Variants in RGS11 observed in about 807,000 individuals in gnomAD.
RGS11 encodes regulator of G-protein signaling 11.
A neutral mutation model predicts 71.1 loss-of-function variants in RGS11; 86 were observed. The observed-to-expected ratio is 1.21, with a 90% confidence interval of 1.02 to 1.45. The LOEUF (loss-of-function observed/expected upper bound fraction) is 1.45, where lower values mean the gene tolerates loss of function less well. Ranked by LOEUF, RGS11 falls within the 40% of genes most tolerant of loss-of-function variation. The pLI is 0.00. For synonymous variants in RGS11, 298 were observed against 254.2 expected (o/e 1.17, Z -1.64); for missense variants, 734 against 635.1 (o/e 1.16, Z -1.67).
rs1414107965 is a variant in RGS11, at chr16:271,190, G to GC, written c.863+11dup. The GC allele has an allele frequency of 3.1e-6, 5 of 1,609,902 alleles. No individual in the cohort carries two copies. The highest frequency in any genetic ancestry group is 4.2e-6 in the Non-Finnish European group (5 of 1,177,718). On this transcript the variant is annotated intron_variant, in intron 12 of 16. Coordinates refer to ENST00000397770, the MANE Select transcript of RGS11 (RefSeq NM_183337.3). Reference sequence around the variant, plus strand: ...AGCACACCCGCAGTCCCGCTGCCCCGCCTGGGCTCACGTGGGGGCATTCAT... The same window carrying GC: ...AGCACACCCGCAGTCCCGCTGCCCCGCCCTGGGCTCACGTGGGGGCATTCAT...
chr16:275,479 C>T lies in RGS11; in HGVS notation c.83G>A (p.Ser28Asn), dbSNP rs747092700. 22 of 1,582,224 alleles carry T rather than the reference C, an allele frequency of 1.4e-5. No individual in the cohort carries two copies. The Admixed American group carries it at 3.8e-4, about 28-fold the overall frequency. The change falls in exon 2 of 17, where the codon AGC becomes AAC. Residue 28 changes from serine (S) to asparagine (N), a missense_variant. Coordinates refer to ENST00000397770, the MANE Select transcript of RGS11 (RefSeq NM_183337.3). ...CACGCCCTGGTCGGGGTCCTGCATG[C>T]TCACGACCACCCGCTCCATCTGGGC... ...HLRKMERVVV[S>N]MQDPDQGVKM...
At chr16:272,842 A>G in intron 9 of RGS11, 21 bp downstream of exon 9, 2 of 1,541,096 alleles carry the variant, frequency 1.3e-6, no homozygotes, top group Non-Finnish European at 1.7e-6. Context: ...GAGGGCGGCC[A>G]GCACGCACGC....
At position 269,077 on chromosome 16, in the gene RGS11, C is replaced by A; in HGVS notation, c.*192G>T. On this transcript the variant is annotated 3_prime_UTR_variant, in exon 17 of 17. Transcript: ENST00000397770. The stretch of plus-strand genomic sequence containing the variant: ...CTGGGAATCCACACCTGGACCCATT[C>A]CTTCTGGGCAGGGAGGGCTTGCTGG... The A allele has an allele frequency of 1.0e-6, 1 of 982,120 alleles. No homozygotes were observed. The allele number at this position is 982,120 out of a possible 1,614,324, so 60.8% of individuals were successfully genotyped here. A position where few individuals can be genotyped will look rare whatever the true frequency, so the allele number is the denominator to read the frequency against.
Position 269,523 on chromosome 16 carries a change from G to T in RGS11, c.1269C>A (p.Ile423=). ...CTCACCGTCTCTTCATCTCCAGCGG[G>T]ATCCCAGCCTCTGCCAGGAGGGCCT... ...MYKALLAEAG[I]PLEMKRRVFP... The change falls in exon 16 of 17, where the codon ATC becomes ATA. Residue 423 remains isoleucine (I), a synonymous_variant. Transcript: ENST00000397770. 2 of 1,613,266 alleles carry T rather than the reference G, an allele frequency of 1.2e-6. No homozygotes were observed. The highest frequency in any genetic ancestry group is 1.7e-6 in the Non-Finnish European group (2 of 1,179,918).
chr16:271,572 A>G lies in RGS11; in HGVS notation c.658-3T>C. On this transcript the variant is annotated splice_polypyrimidine_tract_variant and splice_region_variant and intron_variant, in intron 9 of 16. Coordinates refer to ENST00000397770, the MANE Select transcript of RGS11 (RefSeq NM_183337.3). Reference sequence around the variant, plus strand: ...TTATGGAAATCTGCACTCTTGGTCTAGAAGGGGATAGGTGGGCTGCAGTTA... The same window carrying G: ...TTATGGAAATCTGCACTCTTGGTCTGGAAGGGGATAGGTGGGCTGCAGTTA... The G allele has an allele frequency of 6.2e-7, 1 of 1,613,966 alleles. No homozygotes were observed. Among genetic ancestry groups the G allele is most frequent in the Non-Finnish European group, 8.5e-7 (1 of 1,179,998 alleles).
intron 6 of RGS11, 75 bp downstream of exon 6, chr16:273,968 C>G (rs748798675): frequency 5.4e-6 from 8 of 1,484,120 alleles, no homozygotes; most frequent in Non-Finnish European, 7.4e-6. Context: ...AACCGTGAAG[C>G]CCCGGGGGGC....
chr16:272,072 G>A lies in RGS11; in HGVS notation c.658-503C>T, dbSNP rs1299320857. ...GCTGGTCTCGAACTCCTGAACTCAG[G>A]TGATCTGCCCGCCTCAGCCTCCCAA... is the stretch of plus-strand genomic sequence containing the variant. On this transcript the variant is annotated intron_variant, in intron 9 of 16. Coordinates refer to ENST00000397770, the MANE Select transcript of RGS11 (RefSeq NM_183337.3). 5.2e-6 allele frequency: 4 copies of A among 762,946 alleles called. No homozygotes were observed. In the African/African-American group the frequency reaches 5.6e-5, roughly 11 times the overall value. 47.3% of individuals were successfully genotyped at this position (762,946 alleles called of 1,614,324 possible). A position where few individuals can be genotyped will look rare whatever the true frequency, so the allele number is the denominator to read the frequency against.
chr16:273,841 G>A lies in RGS11; in HGVS notation c.430-5C>T. ...GTGTAGCCGGTCATAGCAGTCCTGG[G>A]GGCAGCGAGGTTTCCAGTGGGTCAC... On this transcript the variant is annotated splice_region_variant and splice_polypyrimidine_tract_variant and intron_variant, in intron 6 of 16. Coordinates refer to ENST00000397770, the MANE Select transcript of RGS11 (RefSeq NM_183337.3). 2 of 1,613,276 alleles carry A rather than the reference G, an allele frequency of 1.2e-6. No individual in the cohort carries two copies. The highest frequency in any genetic ancestry group is 1.7e-6 in the Non-Finnish European group (2 of 1,179,894).
At position 271,437 on chromosome 16, in the gene RGS11, C is replaced by T. The variant is rs775947765; in HGVS notation, c.711G>A (p.Leu237=). ...KREIEYFRKA[L]GRTRVKSSVC... The stretch of plus-strand genomic sequence containing the variant: ...CGGAGGACTTCACTCGGGTCCTGCC[C>T]AGCGCTTTCCTGAAGTACTCGATCT... The change falls in exon 11 of 17, where the codon CTG becomes CTA. Residue 237 remains leucine, a synonymous_variant. Coordinates refer to ENST00000397770, the MANE Select transcript of RGS11 (RefSeq NM_183337.3). 1 of 1,613,856 alleles carries T rather than the reference C, an allele frequency of 6.2e-7. No individual in the cohort carries two copies. The highest frequency in any genetic ancestry group is 1.1e-5 in the South Asian group (1 of 91,082).
chr16:268,427 G>A lies in RGS11; in HGVS notation c.*842C>T. 2.8e-6 allele frequency: 1 copy of A among 359,852 alleles called. No homozygotes were observed. The highest frequency in any genetic ancestry group is 5.3e-6 in the Non-Finnish European group (1 of 190,036). 22.3% of individuals were successfully genotyped at this position (359,852 alleles called of 1,614,324 possible). A position where few individuals can be genotyped will look rare whatever the true frequency, so the allele number is the denominator to read the frequency against. ...CCGCCCTACCGCCGAGAGAGTTGAAGCTGCACCCCCGAAAGGAGCCAGCTG... is the reference window on the plus strand; with the variant it reads ...CCGCCCTACCGCCGAGAGAGTTGAAACTGCACCCCCGAAAGGAGCCAGCTG... On this transcript the variant is annotated 3_prime_UTR_variant, in exon 17 of 17. Transcript: ENST00000397770.
At chr16:275,725 C>A in intron 1 of RGS11, 124 bp downstream of exon 1, 1 of 405,334 alleles carries the variant, frequency 2.5e-6, no homozygotes, top group East Asian at 4.9e-5. Context: ...CCCTCCCGGC[C>A]TCGCAGACCT....
Position 269,164 on chromosome 16 carries a change from G to C in RGS11, c.*105C>G. 1.0e-6 allele frequency: 1 copy of C among 971,958 alleles called. No homozygotes were observed. The highest frequency in any genetic ancestry group is 1.6e-6 in the Non-Finnish European group (1 of 621,348). 60.2% of individuals were successfully genotyped at this position (971,958 alleles called of 1,614,324 possible). ...CCCCTGGGCACAAGGGGACACTGGTGCTGGGTTCAGCAGCCCCCAGGACCT... is the reference window on the plus strand; with the variant it reads ...CCCCTGGGCACAAGGGGACACTGGTCCTGGGTTCAGCAGCCCCCAGGACCT... On this transcript the variant is annotated 3_prime_UTR_variant, in exon 17 of 17. Coordinates refer to ENST00000397770, the MANE Select transcript of RGS11 (RefSeq NM_183337.3).
intron 9 of RGS11, chr16:272,466 C>A (rs1431476001): frequency 7.5e-7 from 1 of 1,330,116 alleles, no homozygotes; most frequent in African/African-American, 1.5e-5. Context: ...TCCCTCTGGT[C>A]TGGTCCCTCT....
intron 1 of RGS11, 118 bp downstream of exon 1, chr16:275,731 G>GA (rs1567243254): frequency 2.6e-6 from 1 of 388,850 alleles, no homozygotes; most frequent in Non-Finnish European, 4.0e-6. Context: ...CGGCCTCGCA[G>GA]ACCTCCGCCC....
chr16:274,751 A>G (rs1461666125), intron 4 of RGS11: 7 of 715,386 alleles, frequency 9.8e-6, no homozygotes, highest in South Asian at 8.9e-5. Flanking sequence ...TGTGGTCCCC[A>G]GGAAAACTGA....
intron 4 of RGS11, chr16:274,769 T>C: frequency 1.3e-6 from 1 of 741,238 alleles, no homozygotes; most frequent in Non-Finnish European, 2.4e-6. Flanking sequence ...TGAGGCTCCA[T>C]CCCTCAGCCG....
Position 270,774 on chromosome 16 carries a change from T to G in RGS11, c.1037A>C (p.Gln346Pro). Residue 346 changes from glutamine to proline, a missense_variant, in exon 14 of 17, where the codon CAG (glutamine) becomes CCG (proline). Physicochemically the swap from Gln to Pro is moderately conservative, Grantham distance 76. Transcript: ENST00000397770. Reference sequence around the variant, plus strand: ...CACGGCATCCACCAGGGTGGGGACCTGGGCCTGCGCTCCATATCGAAGCTC... The same window carrying G: ...CACGGCATCCACCAGGGTGGGGACCGGGGCCTGCGCTCCATATCGAAGCTC... ...CEELRYGAQAQVPTLVDAVYE... is the reference protein window; with the variant it reads ...CEELRYGAQAPVPTLVDAVYE... 1 of 1,612,578 alleles carries G rather than the reference T, an allele frequency of 6.2e-7. No individual in the cohort carries two copies. Among genetic ancestry groups the G allele is most frequent in the Non-Finnish European group, 8.5e-7 (1 of 1,179,908 alleles).
intron 4 of RGS11, 142 bp from the exon 5 acceptor site, chr16:274,407 G>T: frequency 1.3e-6 from 1 of 777,816 alleles, no homozygotes; most frequent in South Asian, 1.7e-5. Context: ...ACCACCGAGA[G>T]ACTCCACTGA....
At position 269,391 on chromosome 16, in the gene RGS11, C is replaced by T. The variant is rs1312179231; in HGVS notation, c.1290-8G>A. On this transcript the variant is annotated splice_polypyrimidine_tract_variant and splice_region_variant and intron_variant, in intron 16 of 16. Coordinates refer to ENST00000397770, the MANE Select transcript of RGS11 (RefSeq NM_183337.3). ...CACGTAAACGGGAACACGCTGTGGG[C>T]GAGAAGGCGGCTGAGAACAGGCTGG... 3.1e-6 allele frequency: 5 copies of T among 1,596,500 alleles called. No individual in the cohort carries two copies. The highest frequency in any genetic ancestry group is 4.5e-5 in the East Asian group (2 of 44,346).
Sources: gnomAD v4.1 joint callset for allele counts on GRCh38, gnomAD v4.1.1 for gene constraint, MANE v1.5 for transcripts, NCBI Gene and HGNC (gene_info 2026-07-23, HGNC 2026-07-21) for gene names.